The following POLD2 variants were observed in gnomAD, a reference collection of about 807,000 sequenced individuals.
POLD2 encodes DNA polymerase delta subunit 2.
POLD2 carries 31 observed loss-of-function variants against 48.8 expected under a neutral mutation model. That is an observed-to-expected ratio of 0.64 (90% confidence interval 0.48 to 0.86). POLD2 has a LOEUF of 0.86. POLD2 is among the 40% of genes least tolerant of loss of function. POLD2 has a pLI of 0.00. For synonymous variants in POLD2, 233 were observed against 256.3 expected, an observed-to-expected ratio of 0.91 and a Z score of 0.87; for missense variants, 455 against 610.1, an observed-to-expected ratio of 0.75 and a Z score of 2.68.
At chr7:44,117,472 TG>T in intron 4 of POLD2, 146 bp downstream of exon 4, 1 of 1,043,290 alleles carries the variant, frequency 9.6e-7, no homozygotes, top group Non-Finnish European at 1.4e-6. Context: ...TCCGACCGCC[TG>T]GAGCCTCACC....
chr7:44,120,870 T>C lies in POLD2; in HGVS notation c.220+964A>G, dbSNP rs896382024. Among the ~76,000 whole-genome samples, 8 of 152,218 alleles carry C rather than the reference T, an allele frequency of 5.3e-5. No individual in the cohort carries two copies. In the East Asian group the frequency reaches 5.8e-4, roughly 11 times the overall value. ...TTACCCTATCTCAGGTAGTTTTTTA[T>C]AGCAATGTGAAAATGGACTAATACA... On this transcript the variant is annotated intron_variant, in intron 2 of 10. Transcript: ENST00000610533.
At chr7:44,118,327 A>G in intron 2 of POLD2, 1 of 363,904 alleles carries the variant, frequency 2.7e-6, no homozygotes. Flanking sequence ...CACAGACAAG[A>G]GGGAGTGTGA....
At chr7:44,119,082 A>T (rs1035906201) in intron 2 of POLD2, among the ~76,000 whole-genome samples, 1 of 148,778 alleles carries the variant, frequency 6.7e-6, no homozygotes, top group African/African-American at 2.5e-5. Context: ...CAGACCTCAG[A>T]TCCCCTCCAC....
chr7:44,121,850 C>G lies in POLD2; in HGVS notation c.204G>C (p.Arg68=), dbSNP rs2096248585. 1 of 1,612,956 alleles carries G rather than the reference C, an allele frequency of 6.2e-7. No homozygotes were observed. The highest frequency in any genetic ancestry group is 1.7e-5 in the Admixed American group (1 of 60,008). Residue 68 remains arginine, a synonymous_variant, in exon 2 of 11, where the codon CGG becomes CGC. Transcript: ENST00000610533. This position sits in a 1 kb window ranked among gnomAD's most constrained non-coding sequence, Gnocchi z 4.5. ...CTCACTTACCCCAGTGCTGCTGGGC[C>G]CGGTTCTCCAGGAAGGGTCTCATTT... ...LIQMRPFLEN[R]AQQHWGSGVG... is the part of the protein sequence containing the mutation.
In POLD2 at chr7:44,123,496, C is replaced by A; in HGVS notation, c.-57+15G>T. ...GCCACCCCCAGCTGACCCCGTTTCC[C>A]TGGACCCCACTCACCGCGCGGCGCG... On this transcript the variant is annotated intron_variant, in intron 1 of 10. Coordinates refer to ENST00000610533, the MANE Select transcript of POLD2 (RefSeq NM_006230.4). 1 of 1,492,358 alleles carries A rather than the reference C, an allele frequency of 6.7e-7. No individual in the cohort carries two copies. Among genetic ancestry groups the A allele is most frequent in the Non-Finnish European group, 8.9e-7 (1 of 1,128,708 alleles). The allele number at this position is 1,492,358 out of a possible 1,614,324, so 92.4% of individuals were successfully genotyped here.
In POLD2 at chr7:44,115,471, C is replaced by A. The variant is rs569519781; in HGVS notation, c.1148-75G>T. On this transcript the variant is annotated intron_variant, in intron 9 of 10. Transcript: ENST00000610533. ...CTCTGCACAGGATGTGGGGCTGCAG[C>A]CCCTCCTCCCATTGCAGGCCAGTAG... is the stretch of plus-strand genomic sequence containing the variant. 56 of 985,512 alleles carry A rather than the reference C, an allele frequency of 5.7e-5. No individual in the cohort carries two copies. In the South Asian group the frequency reaches 7.2e-4, roughly 13 times the overall value. 61.0% of individuals were successfully genotyped at this position (985,512 alleles called of 1,614,324 possible).
intron 9 of POLD2, 27 bp downstream of exon 9, chr7:44,115,739 C>G: frequency 6.2e-7 from 1 of 1,611,062 alleles, no homozygotes; most frequent in Non-Finnish European, 8.5e-7. Flanking sequence ...GCCCTCTGCT[C>G]CCACCCTGTA....
In POLD2 at chr7:44,116,049, C is replaced by T; in HGVS notation, c.1019+66G>A. On this transcript the variant is annotated intron_variant, in intron 8 of 10. Transcript: ENST00000610533. This position sits in a 1 kb window ranked among gnomAD's most constrained non-coding sequence, Gnocchi z 6.1. ...TGCCACCTTCCTGGGCCCTCCCTCC[C>T]CTCCCTTCTTTGTGCCTCCTGAGGC... The T allele has an allele frequency of 1.9e-6, 3 of 1,606,578 alleles. No individual in the cohort carries two copies. Among genetic ancestry groups the T allele is most frequent in the Non-Finnish European group, 2.6e-6 (3 of 1,174,188 alleles).
Position 44,123,538 on chromosome 7 carries a change from C to T in POLD2, c.-84G>A, listed in dbSNP as rs1464401710. ...CGCGGCGCGCCGCATCCCGCCAATC[C>T]CCGCGCGCCTGCCCCGCCCATCGCC... On this transcript the variant is annotated 5_prime_UTR_variant, in exon 1 of 11. Coordinates refer to ENST00000610533, the MANE Select transcript of POLD2 (RefSeq NM_006230.4). 2 of 1,489,416 alleles carry T rather than the reference C, an allele frequency of 1.3e-6. No individual in the cohort carries two copies. Among genetic ancestry groups the T allele is most frequent in the Admixed American group, 2.2e-5 (1 of 45,326 alleles). The allele number at this position is 1,489,416 out of a possible 1,614,324, so 92.3% of individuals were successfully genotyped here.
At chr7:44,120,775 T>C (rs945484868) in intron 2 of POLD2, among the ~76,000 whole-genome samples, 2 of 152,192 alleles carry the variant, frequency 1.3e-5, no homozygotes, top group Non-Finnish European at 2.9e-5. Context: ...TCTGCCATGA[T>C]TGTTAAGTTT....
chr7:44,116,767 G>C lies in POLD2; in HGVS notation c.780+50C>G, dbSNP rs1428790120. 5 of 1,590,332 alleles carry C rather than the reference G, an allele frequency of 3.1e-6. No homozygotes were observed. The highest frequency in any genetic ancestry group is 2.1e-4 in the Middle Eastern group (1 of 4,786). ...GCCCTGGGGAAGGAGGGTCTTACAGGCTTGCAGGCTCCTGGGCTGGGGCTG... is the reference window on the plus strand; with the variant it reads ...GCCCTGGGGAAGGAGGGTCTTACAGCCTTGCAGGCTCCTGGGCTGGGGCTG... On this transcript the variant is annotated intron_variant, in intron 6 of 10. Transcript: ENST00000610533. The surrounding 1 kb of genome is among the most constrained non-coding windows in gnomAD (Gnocchi z 6.1).
At chr7:44,123,586 G>C (rs2096251404), upstream of POLD2, 1 of 1,450,854 alleles carries the variant, frequency 6.9e-7, no homozygotes, top group African/African-American at 1.5e-5. Flanking sequence ...TCCCCGCGCG[G>C]CTTCCCCGCC....
rs1361576669 is a variant in POLD2 at position 44,115,843 on chromosome 7, C to T, written c.1070G>A (p.Ser357Asn). The change falls in exon 9 of 11, where the codon AGC becomes AAC. Residue 357 changes from serine (S) to asparagine (N), a missense_variant. Ser to Asn is a conservative substitution (Grantham distance 46, BLOSUM62 1). Transcript: ENST00000610533. ...CAGGATCTCCAAGTGATCCTCCATG[C>T]TGCTGTATCGGAAAATGTCACTCAC... The part of the protein sequence containing the change: ...QNVSDIFRYS[S>N]MEDHLEILEW... The T allele has an allele frequency of 6.2e-7, 1 of 1,614,072 alleles. No individual in the cohort carries two copies. Among genetic ancestry groups the T allele is most frequent in the Non-Finnish European group, 8.5e-7 (1 of 1,180,018 alleles).
intron 1 of POLD2, chr7:44,122,524 T>C: frequency 1.1e-6 from 1 of 905,010 alleles, no homozygotes; most frequent in Non-Finnish European, 1.3e-6. Context: ...AATAAGCCTA[T>C]TATTAAATAA....
intron 1 of POLD2, chr7:44,123,187 T>TAA (rs963961025): frequency 6.6e-6 from 8 of 1,216,532 alleles, no homozygotes; most frequent in Non-Finnish European, 8.3e-6. Flanking sequence ...ACTAGAAAGT[T>TAA]AAAAAATTCC....
chr7:44,115,363 A>C lies in POLD2; in HGVS notation c.1181T>G (p.Ile394Ser). 1.9e-6 allele frequency: 3 copies of C among 1,613,970 alleles called. No homozygotes were observed. The highest frequency in any genetic ancestry group is 2.5e-6 in the Non-Finnish European group (3 of 1,179,792). ...CYPFYKTDPF[I>S]FPECPHVYFC... ...GTAGACATGCGGGCACTCTGGGAAGATGAACGGGTCAGTTTTGTAGAAGGG... is the reference window on the plus strand; with the variant it reads ...GTAGACATGCGGGCACTCTGGGAAGCTGAACGGGTCAGTTTTGTAGAAGGG... Residue 394 changes from isoleucine (I) to serine (S), a missense_variant, in exon 10 of 11, where the codon ATC becomes AGC. Physicochemically the swap from Ile to Ser is moderately radical, Grantham distance 142. Coordinates refer to ENST00000610533, the MANE Select transcript of POLD2 (RefSeq NM_006230.4).
intron 1 of POLD2, 83 bp from the exon 2 acceptor site, chr7:44,122,192 G>A: frequency 1.4e-6 from 2 of 1,446,792 alleles, no homozygotes; most frequent in East Asian, 2.5e-5. Context: ...GCACCCAAAG[G>A]ATACTGGGAA....
chr7:44,120,102 A>G (rs780699164), intron 2 of POLD2, among the ~76,000 whole-genome samples: 1 of 152,208 alleles, frequency 6.6e-6, no homozygotes, highest in Non-Finnish European at 1.5e-5. Context: ...CACAGGCCAC[A>G]TGGAGAAGCC....
chr7:44,118,352 G>C (rs551155867), intron 2 of POLD2: 32 of 283,016 alleles, frequency 1.1e-4, no homozygotes, highest in African/African-American at 6.8e-4. Context: ...GGGCAGAGCG[G>C]AGTGATGCGG....
Sources: gnomAD v4.1 joint callset for allele counts (sites outside exome capture counted in the v4.1 genomes callset) on GRCh38, gnomAD v4.1.1 for gene constraint, Gnocchi (gnomAD v3.1) non-coding constraint, MANE v1.5 for transcripts, NCBI Gene and HGNC (gene_info 2026-07-23, HGNC 2026-07-21) for gene names.